The following STAM variants were observed in gnomAD, a reference collection of about 807,000 sequenced individuals.
STAM encodes signal transducing adaptor molecule, also known as signal transducing adapter molecule 1.
Under a neutral mutation model 63.4 loss-of-function variants are expected in STAM, and 16 were observed. That is an observed-to-expected ratio of 0.25 (90% confidence interval 0.17 to 0.38). STAM has a LOEUF of 0.38. Ranked by LOEUF, STAM falls within the 10% of genes least tolerant of loss-of-function variation. The pLI, the probability that STAM is intolerant of heterozygous loss-of-function variation, is 1.00. For synonymous variants in STAM, 238 were observed against 223.9 expected (o/e 1.06, Z -0.56); for missense variants, 636 against 657.1 (o/e 0.97, Z 0.35).
rs1836745913 is a variant in STAM, at chr10:17,714,942, G to T, written c.*162G>T. The T allele has an allele frequency of 1.5e-6, 1 of 674,812 alleles. No individual in the cohort carries two copies. Among genetic ancestry groups the T allele is most frequent in the East Asian group, 2.7e-5 (1 of 36,510 alleles). 41.8% of individuals were successfully genotyped at this position (674,812 alleles called of 1,614,324 possible). On this transcript the variant is annotated 3_prime_UTR_variant, in exon 14 of 14. Coordinates refer to ENST00000377524, the MANE Select transcript of STAM (RefSeq NM_003473.4). ...GGTAGAACTCTCCTCAATTTACACT[G>T]ACTTTTTAGAGGTTCTTCCCCCCCC...
intron 2 of STAM, among the ~76,000 whole-genome samples, chr10:17,670,621 T>C (rs1376496656): frequency 2.0e-5 from 3 of 152,194 alleles, no homozygotes; most frequent in Non-Finnish European, 4.4e-5. Flanking sequence ...ACTCAAAATA[T>C]CATCGTACTG....
Position 17,646,153 on chromosome 10 carries a change from C to T in STAM, c.40+1774C>T, listed in dbSNP as rs118041145. On this transcript the variant is annotated intron_variant, in intron 1 of 13. Coordinates refer to ENST00000377524, the MANE Select transcript of STAM (RefSeq NM_003473.4). ...GGCCAACTCAGAATCCAACTTGTTA[C>T]ACCTGAGTCATTTCCTGATTACTGT... Among the ~76,000 whole-genome samples, 61 of 152,320 alleles carry T rather than the reference C, an allele frequency of 4.0e-4. No individual in the cohort carries two copies. The East Asian group carries it at 4.0e-3, about 10-fold the overall frequency.
chr10:17,696,383 G>A (rs527448237), intron 7 of STAM, among the ~76,000 whole-genome samples: 69 of 152,158 alleles, frequency 4.5e-4, no homozygotes, highest in Middle Eastern at 3.4e-3. Flanking sequence ...AAACCTTGCT[G>A]CTGTGTACCA....
chr10:17,694,740 G>A (rs1219993198), intron 6 of STAM, among the ~76,000 whole-genome samples: 1 of 152,104 alleles, frequency 6.6e-6, no homozygotes, highest in Non-Finnish European at 1.5e-5. Flanking sequence ...GAAAATATCT[G>A]CAGCTAAAAA....
chr10:17,669,338 A>G (rs1268083953), intron 2 of STAM, among the ~76,000 whole-genome samples: 5 of 150,022 alleles, frequency 3.3e-5, no homozygotes, highest in Non-Finnish European at 4.4e-5. Flanking sequence ...GACATTTGGT[A>G]GGATATGGTC....
intron 1 of STAM, 38 bp from the exon 2 acceptor site, chr10:17,660,426 A>G (rs1554822724): frequency 3.6e-6 from 5 of 1,400,266 alleles, no homozygotes; most frequent in Non-Finnish European, 4.9e-6. Flanking sequence ...TAAAGATTTG[A>G]AAAATAATGT....
chr10:17,695,498 A>G (rs185248848), intron 7 of STAM, among the ~76,000 whole-genome samples: 45 of 152,336 alleles, frequency 3.0e-4, no homozygotes, highest in Non-Finnish European at 5.1e-4. Context: ...GGTTCCACCT[A>G]ATAATATAGA....
At position 17,644,325 on chromosome 10, in the gene STAM, C is replaced by T; in HGVS notation, c.-15C>T. The T allele has an allele frequency of 1.2e-6, 2 of 1,614,090 alleles. No individual in the cohort carries two copies. The highest frequency in any genetic ancestry group is 1.1e-5 in the South Asian group (1 of 91,074). ...CGAGAGGGAGTCCCCGGGGACACCT[C>T]GGCACGCAGCGGAGATGCCTCTTTT... is the stretch of plus-strand genomic sequence containing the variant. On this transcript the variant is annotated 5_prime_UTR_variant, in exon 1 of 14. Transcript: ENST00000377524.
chr10:17,659,274 GTCAT>G (rs782203695), intron 1 of STAM, among the ~76,000 whole-genome samples: 4 of 151,842 alleles, frequency 2.6e-5, no homozygotes, highest in African/African-American at 4.8e-5. Flanking sequence ...CGTCATTGCT[GTCAT>G]TCATTCTACT....
intron 1 of STAM, among the ~76,000 whole-genome samples, chr10:17,659,350 G>A (rs112364914): frequency 2.3e-4 from 35 of 150,816 alleles, no homozygotes; most frequent in African/African-American, 8.5e-4. Flanking sequence ...TGAATACATT[G>A]TTGCTGTTAT....
chr10:17,716,640 T>C lies in STAM; in HGVS notation c.*1860T>C, dbSNP rs1278074387. Among the ~76,000 whole-genome samples the C allele has an allele frequency of 6.6e-6, 1 of 152,230 alleles. No homozygotes were observed. The highest frequency in any genetic ancestry group is 2.4e-5 in the African/African-American group (1 of 41,460). On this transcript the variant is annotated 3_prime_UTR_variant, in exon 14 of 14. Transcript: ENST00000377524. Reference sequence around the variant, plus strand: ...TTTACCAATGTTAAATGTATCATTTTCCCATTTTAATTTTGATATCTTTCA... The same window carrying C: ...TTTACCAATGTTAAATGTATCATTTCCCCATTTTAATTTTGATATCTTTCA...
chr10:17,677,162 A>G (rs1554824741), intron 2 of STAM, among the ~76,000 whole-genome samples: 1 of 152,122 alleles, frequency 6.6e-6, no homozygotes, highest in African/African-American at 2.4e-5. Flanking sequence ...GGTGCCAGAG[A>G]TATCTTTGCT....
chr10:17,688,246 T>C lies in STAM; in HGVS notation c.444+73T>C. The C allele has an allele frequency of 2.3e-6, 3 of 1,328,148 alleles. No individual in the cohort carries two copies. In the South Asian group the frequency reaches 7.6e-5, roughly 34 times the overall value. The allele number at this position is 1,328,148 out of a possible 1,614,324, so 82.3% of individuals were successfully genotyped here. A position where few individuals can be genotyped will look rare whatever the true frequency, so the allele number is the denominator to read the frequency against. On this transcript the variant is annotated intron_variant, in intron 5 of 13. Coordinates refer to ENST00000377524, the MANE Select transcript of STAM (RefSeq NM_003473.4). ...AATAGCTATATTTATTTGAATTTTT[T>C]TCTTCATTCCCAGGTAATTTTTACT...
intron 9 of STAM, among the ~76,000 whole-genome samples, chr10:17,703,900 A>C (rs1377752505): frequency 6.6e-6 from 1 of 152,214 alleles, no homozygotes; most frequent in African/African-American, 2.4e-5. Context: ...AGTAGGAATG[A>C]CAAGTTGTTA....
intron 13 of STAM, among the ~76,000 whole-genome samples, chr10:17,713,174 ACTT>A (rs781832656): frequency 6.6e-6 from 1 of 151,870 alleles, no homozygotes; most frequent in Admixed American, 6.6e-5. Context: ...CCTCACCGCC[ACTT>A]CTTCTCAGCC....
intron 2 of STAM, among the ~76,000 whole-genome samples, chr10:17,665,544 G>T: frequency 6.6e-6 from 1 of 151,548 alleles, no homozygotes. Context: ...GTTACTTATT[G>T]ACTACTTATT....
intron 2 of STAM, among the ~76,000 whole-genome samples, chr10:17,678,294 G>A (rs1834936308): frequency 6.7e-6 from 1 of 150,180 alleles, no homozygotes; most frequent in African/African-American, 2.4e-5. Flanking sequence ...TCGCTGTGTT[G>A]CCCAGGCTAG....
chr10:17,701,630 T>TA (rs1554828462), intron 9 of STAM, among the ~76,000 whole-genome samples: 5 of 152,226 alleles, frequency 3.3e-5, no homozygotes. Flanking sequence ...ATGGATAATT[T>TA]AAAGAGAATC....
At chr10:17,653,365 T>C (rs534923209) in intron 1 of STAM, among the ~76,000 whole-genome samples, 1 of 152,366 alleles carries the variant, frequency 6.6e-6, no homozygotes, top group East Asian at 1.9e-4. Context: ...ATGTTTGTTT[T>C]GGTAAAACAG....
Sources: gnomAD v4.1 joint callset for allele counts (sites outside exome capture counted in the v4.1 genomes callset) on GRCh38, gnomAD v4.1.1 for gene constraint, MANE v1.5 for transcripts, NCBI Gene and HGNC (gene_info 2026-07-23, HGNC 2026-07-21) for gene names.